Variants in NNT observed in about 807,000 individuals in gnomAD.
NNT encodes the protein nicotinamide nucleotide transhydrogenase, also known as NAD(P) transhydrogenase, mitochondrial.
NNT carries 50 observed loss-of-function variants against 104.8 expected under a neutral mutation model. That is an observed-to-expected ratio of 0.48 (90% confidence interval 0.38 to 0.60). NNT has a LOEUF of 0.60. NNT is among the 20% of genes least tolerant of loss of function. NNT has a pLI of 0.00. For synonymous variants in NNT, 461 were observed against 490.4 expected (o/e 0.94, Z 0.79); for missense variants, 1,131 against 1,330.7 (o/e 0.85, Z 2.33).
chr5:43,662,823 G>A (rs111795016), intron 17 of NNT, among the ~76,000 whole-genome samples: 7 of 151,930 alleles, frequency 4.6e-5, no homozygotes, highest in African/African-American at 1.7e-4. Context: ...AACCTGGGGA[G>A]GTTGAGGCTG....
Position 43,706,351 on chromosome 5 carries a change from TAAGTCATACA to T in NNT, c.*1949_*1958del, listed in dbSNP as rs1743093651. 6 of 151,868 alleles carry T rather than the reference TAAGTCATACA, an allele frequency of 4.0e-5. No homozygotes were observed. Among genetic ancestry groups the T allele is most frequent in the Admixed American group, 3.3e-4 (5 of 15,264 alleles). The allele number at this position is 151,868 out of a possible 1,614,324, so 9.4% of individuals were successfully genotyped here. ...TATTTCATTATTCCTCTTTTTCCAA[TAAGTCATACA>T]ATTGGTAGATATGACTTATTTTATT... On this transcript the variant is annotated 3_prime_UTR_variant, in exon 22 of 22. Transcript: ENST00000344920.
At position 43,704,054 on chromosome 5, in the gene NNT, A is replaced by C. The variant is rs1742992481; in HGVS notation, c.3112-201A>C. ...CTTTTTCTCTAATGGATATAAGAAT[A>C]AGGGCACACTTAAGTATTAAAGTTA... On this transcript the variant is annotated intron_variant, in intron 21 of 21. Coordinates refer to ENST00000344920, the MANE Select transcript of NNT (RefSeq NM_182977.3). 2.6e-5 allele frequency among the ~76,000 whole-genome samples: 4 copies of C among 152,218 alleles called. No homozygotes were observed. In the South Asian group the frequency reaches 8.3e-4, roughly 32 times the overall value.
chr5:43,654,970 C>T (rs1350946761), intron 14 of NNT, among the ~76,000 whole-genome samples: 2 of 152,196 alleles, frequency 1.3e-5, no homozygotes, highest in African/African-American at 4.8e-5. Context: ...AGCCCCACTC[C>T]TTCTGTATCA....
Position 43,656,067 on chromosome 5 carries a change from T to C in NNT, c.2287T>C (p.Leu763=). Residue 763 remains leucine (L), a synonymous_variant, in exon 15 of 22, where the codon TTG becomes CTG. Transcript: ENST00000344920. ...FSGSLIAYGK[L]QGLLKSAPLL... The stretch of plus-strand genomic sequence containing the variant: ...TGGGTCTCTCATTGCCTATGGAAAA[T>C]TGCAGGGTAAGTGATTCAGCATAAC... The C allele has an allele frequency of 6.2e-7, 1 of 1,612,914 alleles. No individual in the cohort carries two copies.
chr5:43,616,157 T>G, intron 4 of NNT, 92 bp downstream of exon 4: 1 of 1,053,926 alleles, frequency 9.5e-7, no homozygotes, highest in Non-Finnish European at 1.4e-6. Flanking sequence ...TGATTTTATT[T>G]GTAATTATTG....
chr5:43,660,713 A>G (rs1047191983), intron 17 of NNT, among the ~76,000 whole-genome samples: 6 of 152,198 alleles, frequency 3.9e-5, no homozygotes, highest in Admixed American at 1.3e-4. Flanking sequence ...ATCTTACCAT[A>G]GCGGAGAAGG....
Position 43,633,666 on chromosome 5 carries a change from A to G in NNT, c.964+5279A>G, listed in dbSNP as rs796282843. Among the ~76,000 whole-genome samples the G allele has an allele frequency of 6.6e-5, 10 of 152,324 alleles. 1 individual carries two copies. Among genetic ancestry groups the G allele is most frequent in the African/African-American group, 2.4e-4 (10 of 41,576 alleles). On this transcript the variant is annotated intron_variant, in intron 7 of 21. Coordinates refer to ENST00000344920, the MANE Select transcript of NNT (RefSeq NM_182977.3). ...TCTTTGATTTATGCCAGCGCTTGGC[A>G]TAGTGGTTTGTACACAATGGTGGCT...
intron 14 of NNT, 137 bp downstream of exon 14, chr5:43,653,350 C>A: frequency 1.3e-6 from 1 of 778,002 alleles, no homozygotes. Context: ...AAAATTCATT[C>A]CAGTTGGTGT....
intron 6 of NNT, among the ~76,000 whole-genome samples, chr5:43,626,557 G>A (rs1339583622): frequency 6.6e-6 from 1 of 151,896 alleles, no homozygotes; most frequent in Admixed American, 6.6e-5. Flanking sequence ...TAAATTATGA[G>A]ATTATTTTAT....
chr5:43,676,204 A>C (rs1293769424), intron 18 of NNT, among the ~76,000 whole-genome samples: 1 of 152,188 alleles, frequency 6.6e-6, no homozygotes, highest in African/African-American at 2.4e-5. Flanking sequence ...GACATTGCCC[A>C]AGTCATTTAA....
At chr5:43,608,294 G>A (rs1749331108) in intron 1 of NNT, among the ~76,000 whole-genome samples, 1 of 152,186 alleles carries the variant, frequency 6.6e-6, no homozygotes, top group Admixed American at 6.5e-5. Context: ...GGGGACAGTG[G>A]GAGTGCCTTT....
intron 11 of NNT, among the ~76,000 whole-genome samples, chr5:43,649,597 A>G (rs1203575076): frequency 6.6e-6 from 1 of 151,308 alleles, no homozygotes; most frequent in African/African-American, 2.4e-5. Context: ...TTTTTTAAAG[A>G]AAAGGATTCC....
At chr5:43,611,001 T>G (rs1433102945) in intron 2 of NNT, among the ~76,000 whole-genome samples, 2 of 152,154 alleles carry the variant, frequency 1.3e-5, no homozygotes, top group African/African-American at 4.8e-5. Flanking sequence ...AAAAGTGTAG[T>G]AAGTAATTCC....
chr5:43,644,473 A>T, intron 8 of NNT, 138 bp from the exon 9 acceptor site: 1 of 1,180,054 alleles, frequency 8.5e-7, no homozygotes. Context: ...TGAAATATGT[A>T]TTTGTTTATG....
chr5:43,604,966 T>C (rs1454860030), intron 1 of NNT, among the ~76,000 whole-genome samples: 2 of 152,160 alleles, frequency 1.3e-5, no homozygotes, highest in African/African-American at 2.4e-5. Context: ...GCCACCACCC[T>C]GGGTGGGTGC....
chr5:43,628,467 T>C, intron 7 of NNT, 80 bp downstream of exon 7: 1 of 1,105,454 alleles, frequency 9.0e-7, no homozygotes, highest in Non-Finnish European at 1.3e-6. Flanking sequence ...AATGATTGCT[T>C]AACATTTGAA....
intron 7 of NNT, among the ~76,000 whole-genome samples, chr5:43,635,345 T>G (rs1265227209): frequency 1.3e-5 from 2 of 152,198 alleles, no homozygotes; most frequent in Non-Finnish European, 2.9e-5. Context: ...GCTCTGGGAC[T>G]GTCTCTATTT....
chr5:43,643,370 C>T (rs10472385), intron 7 of NNT, among the ~76,000 whole-genome samples: 2,139 of 152,240 alleles, frequency 0.014, 51 homozygotes, highest in African/African-American at 0.045. Context: ...TCGAAAAGTC[C>T]TAAGGTCTGG....
intron 7 of NNT, among the ~76,000 whole-genome samples, chr5:43,631,300 C>G (rs1473259806): frequency 6.6e-6 from 1 of 152,148 alleles, no homozygotes; most frequent in African/African-American, 2.4e-5. Context: ...TTTGTGAAAT[C>G]TGTCAGTGAA....
Sources: gnomAD v4.1 joint callset for allele counts (sites outside exome capture counted in the v4.1 genomes callset) on GRCh38, gnomAD v4.1.1 for gene constraint, MANE v1.5 for transcripts, NCBI Gene and HGNC (gene_info 2026-07-23, HGNC 2026-07-21) for gene names.